CTNND1: variants seen among roughly 807,000 people sequenced by gnomAD.
The protein encoded by CTNND1 is catenin delta-1.
In CTNND1, 16 loss-of-function variants were observed where a neutral mutation model predicts 112.1. The observed-to-expected ratio is 0.14, with a 90% CI of 0.10 to 0.22. CTNND1 has a LOEUF of 0.22. Among genes scored for constraint, CTNND1 ranks in the 10% least tolerant of loss-of-function variants. CTNND1 has a pLI of 1.00. For synonymous variants in CTNND1, 420 were observed against 446.5 expected (o/e 0.94, Z 0.75); for missense variants, 1,008 against 1,257.0 (o/e 0.80, Z 3.00).
chr11:57,767,290 G>A (rs533082127), intron 1 of CTNND1, among the ~76,000 whole-genome samples: 1 of 152,164 alleles, frequency 6.6e-6, no homozygotes, highest in South Asian at 2.1e-4. Context: ...TTCCTTGCTG[G>A]TCAGCAGTAG....
intron 1 of CTNND1, among the ~76,000 whole-genome samples, chr11:57,763,597 A>G (rs1388179300): frequency 1.3e-5 from 2 of 152,230 alleles, no homozygotes; most frequent in African/African-American, 2.4e-5. Context: ...CATAATTATA[A>G]CAAGTACAGT....
In CTNND1 at chr11:57,762,725, TA is replaced by T. The variant is rs1342521131; in HGVS notation, c.-214+610del. 3.9e-5 allele frequency among the ~76,000 whole-genome samples: 6 copies of T among 152,260 alleles called. No homozygotes were observed. In the East Asian group the frequency reaches 1.2e-3, roughly 29 times the overall value. On this transcript the variant is annotated intron_variant, in intron 1 of 20. Coordinates refer to ENST00000399050, the MANE Select transcript of CTNND1 (RefSeq NM_001085458.2). ...GATGTAGTCTCCCTTCTTTGGCTTA[TA>T]AAAGAAAACAAATGGAACCATGTTA...
At chr11:57,816,192 C>T (rs1037958036) in intron 20 of CTNND1, 105 bp from the exon 21 acceptor site, 21 of 1,404,730 alleles carry the variant, frequency 1.5e-5, no homozygotes, top group Non-Finnish European at 2.0e-5. Flanking sequence ...TCTGATTCTC[C>T]GTTATGTGCT....
chr11:57,784,567 A>G (rs2136417147), intron 1 of CTNND1, among the ~76,000 whole-genome samples: 1 of 152,136 alleles, frequency 6.6e-6, no homozygotes, highest in South Asian at 2.1e-4. Flanking sequence ...GCAGTGGCAC[A>G]ATCTCGGCAC....
rs762081408 is a variant in CTNND1 at position 57,815,900 on chromosome 11, T to C, written c.2809-15T>C. 1.2e-6 allele frequency: 2 copies of C among 1,601,294 alleles called. No homozygotes were observed. Among genetic ancestry groups the C allele is most frequent in the Non-Finnish European group, 8.5e-7 (1 of 1,174,646 alleles). On this transcript the variant is annotated splice_polypyrimidine_tract_variant and intron_variant, in intron 19 of 20. Transcript: ENST00000399050. ...CCTGTCTCTACTCATACTAACAAAT[T>C]GCATGTGTTCACAGCAGGACGAGGG...
At chr11:57,806,668 C>A in intron 11 of CTNND1, 190 bp downstream of exon 11, 1 of 644,726 alleles carries the variant, frequency 1.6e-6, no homozygotes, top group Non-Finnish European at 2.7e-6. Context: ...GCAGCAGTCC[C>A]CATTATCAGA....
rs1345617897 is a variant in CTNND1, at chr11:57,796,446, C to T, written c.421-11C>T. 3.9e-6 allele frequency: 6 copies of T among 1,554,434 alleles called. No individual in the cohort carries two copies. Among genetic ancestry groups the T allele is most frequent in the African/African-American group, 2.8e-5 (2 of 71,948 alleles). On this transcript the variant is annotated splice_polypyrimidine_tract_variant and intron_variant, in intron 5 of 20. Coordinates refer to ENST00000399050, the MANE Select transcript of CTNND1 (RefSeq NM_001085458.2). ...TAATTAGTTTTTCTTTTTCTTGTTT[C>T]CTACTTGCAGGTCAAGAAAGTAGTG...
At chr11:57,775,332 G>GAAA (rs374576333) in intron 1 of CTNND1, among the ~76,000 whole-genome samples, 2 of 113,626 alleles carry the variant, frequency 1.8e-5, no homozygotes, top group Non-Finnish European at 3.7e-5. Context: ...ACCCCGTCTC[G>GAAA]AAAAAAAAAA....
chr11:57,775,020 GTTT>G (rs776805174), intron 1 of CTNND1, among the ~76,000 whole-genome samples: 1 of 138,670 alleles, frequency 7.2e-6, no homozygotes, highest in Admixed American at 7.3e-5. Flanking sequence ...GCCTATGAGG[GTTT>G]TTTTTTTTTT....
At chr11:57,800,178 A>G (rs1272143896) in intron 6 of CTNND1, among the ~76,000 whole-genome samples, 2 of 151,906 alleles carry the variant, frequency 1.3e-5, no homozygotes, top group African/African-American at 2.4e-5. Flanking sequence ...AAAGTGATAC[A>G]TAATAGTTTA....
rs1216624498 is a variant in CTNND1, at chr11:57,801,847, G to A, written c.1071G>A (p.Gly357=). 6.2e-7 allele frequency: 1 copy of A among 1,614,036 alleles called. No homozygotes were observed. The highest frequency in any genetic ancestry group is 1.1e-5 in the South Asian group (1 of 91,084). The change falls in exon 7 of 21, where the codon GGG becomes GGA. Residue 357 remains glycine, a synonymous_variant. Transcript: ENST00000399050. Reference sequence around the variant, plus strand: ...GCTTGGATAGCCTGCGCAAAGGAGGGCCTCCACCTCCTAATTGGAGACAGC... The same window carrying A: ...GCTTGGATAGCCTGCGCAAAGGAGGACCTCCACCTCCTAATTGGAGACAGC... The part of the protein sequence containing the change: ...LASLDSLRKG[G]PPPPNWRQPE...
rs1565398700 is a variant in CTNND1, at chr11:57,819,405, G to T, written c.*3097G>T. 1 of 152,170 alleles carries T rather than the reference G, an allele frequency of 6.6e-6. No individual in the cohort carries two copies. The highest frequency in any genetic ancestry group is 1.5e-5 in the Non-Finnish European group (1 of 68,028). The allele number at this position is 152,170 out of a possible 1,614,324, so 9.4% of individuals were successfully genotyped here. A position where few individuals can be genotyped will look rare whatever the true frequency, so the allele number is the denominator to read the frequency against. The stretch of plus-strand genomic sequence containing the variant: ...ATTTTTATCTAAATAGAAAAGCCTG[G>T]CTGCTTGTCAGCAACACTTTATTTC... On this transcript the variant is annotated 3_prime_UTR_variant, in exon 21 of 21. Coordinates refer to ENST00000399050, the MANE Select transcript of CTNND1 (RefSeq NM_001085458.2).
intron 1 of CTNND1, among the ~76,000 whole-genome samples, chr11:57,768,580 A>T (rs1358148636): frequency 6.6e-6 from 1 of 151,668 alleles, no homozygotes; most frequent in East Asian, 1.9e-4. Context: ...TTTTTAGTAG[A>T]GACGGGGTTT....
chr11:57,787,232 G>T (rs183448712), intron 1 of CTNND1, among the ~76,000 whole-genome samples: 70 of 152,306 alleles, frequency 4.6e-4, no homozygotes, highest in Middle Eastern at 3.4e-3. Flanking sequence ...ATGATGTGAT[G>T]ACTTCCAGGC....
At chr11:57,762,341 A>G (rs1950039345) in intron 1 of CTNND1, among the ~76,000 whole-genome samples, 1 of 152,104 alleles carries the variant, frequency 6.6e-6, no homozygotes, top group South Asian at 2.1e-4. Context: ...TTGAAAATTT[A>G]CATTTTGGTG....
chr11:57,775,783 T>C (rs1954079561), intron 1 of CTNND1, among the ~76,000 whole-genome samples: 1 of 152,164 alleles, frequency 6.6e-6, no homozygotes, highest in Admixed American at 6.5e-5. Flanking sequence ...TTACCACTAA[T>C]GTTCGTGTAT....
In CTNND1 at chr11:57,815,936, C is replaced by T. The variant is rs1226138979; in HGVS notation, c.2830C>T (p.Leu944=). The stretch of plus-strand genomic sequence containing the variant: ...ACAGCAGGACGAGGGGCAGGAATCT[C>T]TGGAGGAAGAGTTGGATGTGTTGGT... ...PLMQDEGQES[L]EEELDVLVLD... The change falls in exon 20 of 21, where the codon CTG becomes TTG. Residue 944 remains leucine (L), a synonymous_variant. Transcript: ENST00000399050. 4 of 1,607,834 alleles carry T rather than the reference C, an allele frequency of 2.5e-6. No homozygotes were observed. The highest frequency in any genetic ancestry group is 3.4e-6 in the Non-Finnish European group (4 of 1,178,472).
rs772225946 is a variant in CTNND1, at chr11:57,797,008, GGAAGA to G, written c.956+20_956+24del. On this transcript the variant is annotated intron_variant, in intron 6 of 20. Coordinates refer to ENST00000399050, the MANE Select transcript of CTNND1 (RefSeq NM_001085458.2). Reference sequence around the variant, plus strand: ...GGCGCCTCAGGTAGGCAAGAATAGGGGAAGAGAAAAGGGTCTTTCCAAGACCAGGG... The same window carrying G: ...GGCGCCTCAGGTAGGCAAGAATAGGGGAAAAGGGTCTTTCCAAGACCAGGG... 4 of 1,444,908 alleles carry G rather than the reference GGAAGA, an allele frequency of 2.8e-6. No individual in the cohort carries two copies. Among genetic ancestry groups the G allele is most frequent in the Non-Finnish European group, 3.7e-6 (4 of 1,089,836 alleles). The allele number at this position is 1,444,908 out of a possible 1,614,324, so 89.5% of individuals were successfully genotyped here.
chr11:57,781,473 C>T (rs1001361333), intron 1 of CTNND1: 1 of 152,182 alleles, frequency 6.6e-6, no homozygotes, highest in African/African-American at 2.4e-5. Flanking sequence ...TCTCTCTCCT[C>T]TTGTAGGAAG....
Sources: gnomAD v4.1 joint callset for allele counts (sites outside exome capture counted in the v4.1 genomes callset) on GRCh38, gnomAD v4.1.1 for gene constraint, MANE v1.5 for transcripts, NCBI Gene and HGNC (gene_info 2026-07-23, HGNC 2026-07-21) for gene names.